EVC2: variants seen among roughly 807,000 people sequenced by gnomAD.
EVC2 encodes EvC ciliary complex subunit 2.
EVC2 carries 148 observed loss-of-function variants against 149.3 expected under a neutral mutation model. That is an observed-to-expected ratio of 0.99 (90% CI 0.87 to 1.14). The LOEUF (loss-of-function observed/expected upper bound fraction) is 1.14. EVC2 is among the 50% of genes most tolerant of loss of function. EVC2 has a pLI of 0.00. For missense variants in EVC2, 1,854 were observed against 1,627.3 expected (o/e 1.14, Z -2.40); for synonymous variants, 776 against 649.9 (o/e 1.19, Z -2.95).
intron 7 of EVC2, among the ~76,000 whole-genome samples, chr4:5,666,957 T>C (rs943162164): frequency 3.3e-5 from 5 of 152,212 alleles, no homozygotes; most frequent in African/African-American, 7.2e-5. Flanking sequence ...CCTCAAGATG[T>C]TGATGGTGCC....
At chr4:5,701,240 C>T (rs895530636) in intron 1 of EVC2, among the ~76,000 whole-genome samples, 4 of 152,330 alleles carry the variant, frequency 2.6e-5, no homozygotes, top group South Asian at 4.1e-4. Context: ...TCCACTTTTA[C>T]GGACCCTGAT....
downstream of EVC2, among the ~76,000 whole-genome samples, chr4:5,541,874 C>A (rs1267617823): frequency 6.6e-6 from 1 of 152,178 alleles, no homozygotes; most frequent in Non-Finnish European, 1.5e-5. Flanking sequence ...CCTGCCCTCA[C>A]GGAGTTTATG....
Position 5,565,326 on chromosome 4 carries a change from G to T in EVC2, c.3591C>A (p.Gly1197=), listed in dbSNP as rs758390233. ...KHQSWWQALD[G]KLRGDLISRG... is the part of the protein sequence containing the mutation. Reference sequence around the variant, plus strand: ...TGCTTATCAGATCTCCTCGCAGTTTGCCATCTAAGGCTTGCCACCAGCTCT... The same window carrying T: ...TGCTTATCAGATCTCCTCGCAGTTTTCCATCTAAGGCTTGCCACCAGCTCT... The change falls in exon 21 of 22, where the codon GGC becomes GGA. Residue 1197 remains glycine, a synonymous_variant. Transcript: ENST00000344408. The T allele has an allele frequency of 6.2e-7, 1 of 1,614,028 alleles. No individual in the cohort carries two copies. The highest frequency in any genetic ancestry group is 8.5e-7 in the Non-Finnish European group (1 of 1,179,976).
At chr4:5,611,967 C>A (rs908895267) in intron 16 of EVC2, among the ~76,000 whole-genome samples, 1 of 152,124 alleles carries the variant, frequency 6.6e-6, no homozygotes, top group African/African-American at 2.4e-5. Flanking sequence ...CAGAAAAGAC[C>A]CCTTCCCTCT....
At chr4:5,592,218 C>A (rs1296484681) in intron 16 of EVC2, among the ~76,000 whole-genome samples, 1 of 152,174 alleles carries the variant, frequency 6.6e-6, no homozygotes, top group Non-Finnish European at 1.5e-5. Context: ...GCCTCCTTAC[C>A]AAATTCATCA....
downstream of EVC2, among the ~76,000 whole-genome samples, chr4:5,540,271 G>T (rs1721490455): frequency 6.6e-6 from 1 of 152,202 alleles, no homozygotes; most frequent in South Asian, 2.1e-4. Flanking sequence ...AAAGCTGTTT[G>T]ACAGATTCTT....
chr4:5,537,958 CA>C (rs1189761325), downstream of EVC2, among the ~76,000 whole-genome samples: 1 of 147,984 alleles, frequency 6.8e-6, no homozygotes, highest in East Asian at 2.0e-4. Flanking sequence ...CAGTGAAATA[CA>C]AAACAGAAAA....
intron 16 of EVC2, among the ~76,000 whole-genome samples, chr4:5,611,358 C>G (rs896219049): frequency 1.3e-5 from 2 of 152,138 alleles, no homozygotes; most frequent in African/African-American, 4.8e-5. Context: ...AGACTGGTAT[C>G]TGACAGGAAT....
At chr4:5,606,944 A>C (rs1714439923) in intron 16 of EVC2, among the ~76,000 whole-genome samples, 1 of 152,234 alleles carries the variant, frequency 6.6e-6, no homozygotes, top group Non-Finnish European at 1.5e-5. Flanking sequence ...GGCAGAGCTC[A>C]GACTCTGGAG....
intron 3 of EVC2, among the ~76,000 whole-genome samples, chr4:5,693,046 C>CAAAATTTGT (rs1560231919): frequency 6.6e-6 from 1 of 151,898 alleles, no homozygotes; most frequent in Non-Finnish European, 1.5e-5. Flanking sequence ...AGAGAATTTG[C>CAAAATTTGT]CAAAGCCCTC....
chr4:5,585,839 A>T (rs1712232940), intron 16 of EVC2, among the ~76,000 whole-genome samples: 1 of 151,652 alleles, frequency 6.6e-6, no homozygotes, highest in Admixed American at 6.6e-5. Context: ...TACGGTACAT[A>T]TTTTTTTATC....
chr4:5,653,232 A>T (rs1226391042), intron 9 of EVC2, among the ~76,000 whole-genome samples: 3 of 152,224 alleles, frequency 2.0e-5, no homozygotes, highest in Non-Finnish European at 4.4e-5. Flanking sequence ...CTTCCAAATA[A>T]GGTTACACTC....
intron 16 of EVC2, among the ~76,000 whole-genome samples, chr4:5,592,154 G>A (rs1712864963): frequency 6.6e-6 from 1 of 152,170 alleles, no homozygotes; most frequent in Non-Finnish European, 1.5e-5. Flanking sequence ...AAACTAGACT[G>A]GAGAATGTGG....
Position 5,631,932 on chromosome 4 carries a change from T to C in EVC2, c.1571A>G (p.Lys524Arg). Residue 524 changes from lysine to arginine, a missense_variant, in exon 11 of 22, where the codon AAA becomes AGA. Coordinates refer to ENST00000344408, the MANE Select transcript of EVC2 (RefSeq NM_147127.5). ...GAAAACAGCCAGCTGTCTGTGAGCT[T>C]TGGCAAAGTCTTCTTCTTGTTGCAA... ...LALQQEEDFA[K>R]AHRQLAVFQR... The C allele has an allele frequency of 6.2e-7, 1 of 1,614,202 alleles. No individual in the cohort carries two copies. The highest frequency in any genetic ancestry group is 2.2e-5 in the East Asian group (1 of 44,874).
intron 19 of EVC2, among the ~76,000 whole-genome samples, chr4:5,571,582 C>G (rs981417493): frequency 2.6e-5 from 4 of 152,146 alleles, no homozygotes; most frequent in African/African-American, 9.7e-5. Context: ...CTGCTCCTCT[C>G]CACAGGATGA....
At chr4:5,663,727 C>G (rs1047802848) in intron 8 of EVC2, among the ~76,000 whole-genome samples, 3 of 152,082 alleles carry the variant, frequency 2.0e-5, no homozygotes, top group African/African-American at 7.2e-5. Flanking sequence ...TTGACACCAG[C>G]CTGGCCAACA....
rs1716570565 is a variant in EVC2 at position 5,631,958 on chromosome 4, A to T, written c.1545T>A (p.Ala515=). The change falls in exon 11 of 22, where the codon GCT becomes GCA. Residue 515 remains alanine, a synonymous_variant. Transcript: ENST00000344408. ...TGGCAAAGTCTTCTTCTTGTTGCAA[A>T]GCGAGAGACTTCCTCAAGTGCTCCT... ...LEQEHLRKSL[A]LQQEEDFAKA... 4 of 1,614,102 alleles carry T rather than the reference A, an allele frequency of 2.5e-6. No individual in the cohort carries two copies. The highest frequency in any genetic ancestry group is 3.4e-6 in the Non-Finnish European group (4 of 1,180,058).
chr4:5,707,814 G>C (rs1722312706), intron 1 of EVC2, among the ~76,000 whole-genome samples: 1 of 152,096 alleles, frequency 6.6e-6, no homozygotes, highest in Non-Finnish European at 1.5e-5. Context: ...AAATCCATCA[G>C]CCAGGAGAGT....
At chr4:5,534,249 T>C in the EVC2 span, among the ~76,000 whole-genome samples, 2 of 152,168 alleles carry the variant, frequency 1.3e-5, no homozygotes, top group Admixed American at 1.3e-4. Flanking sequence ...GACATGAGAA[T>C]GTTAACTCAT....
Sources: gnomAD v4.1 joint callset for allele counts (sites outside exome capture counted in the v4.1 genomes callset) on GRCh38, gnomAD v4.1.1 for gene constraint, MANE v1.5 for transcripts, NCBI Gene and HGNC (gene_info 2026-07-23, HGNC 2026-07-21) for gene names.